NKAIN3: variants seen among roughly 807,000 people sequenced by gnomAD.
The protein encoded by NKAIN3 is sodium/potassium transporting ATPase interacting 3.
A neutral mutation model predicts 30.2 loss-of-function variants in NKAIN3; 25 were observed. The ratio of observed to expected loss-of-function variants is 0.83; its 90% CI spans 0.60 to 1.16. The LOEUF (loss-of-function observed/expected upper bound fraction) is 1.16. Ranked by LOEUF, NKAIN3 falls within the 50% of genes most tolerant of loss-of-function variation. The pLI is 0.00. For missense variants in NKAIN3, 225 were observed against 254.1 expected, an observed-to-expected ratio of 0.89 and a Z score of 0.78; for synonymous variants, 91 against 89.6, an observed-to-expected ratio of 1.02 and a Z score of -0.09.
chr8:62,624,323 A>G (rs982954922), intron 3 of NKAIN3, among the ~76,000 whole-genome samples: 5 of 152,050 alleles, frequency 3.3e-5, no homozygotes, highest in African/African-American at 4.8e-5. Context: ...TCCAACCCCT[A>G]TTCAAGATGG....
intron 1 of NKAIN3, among the ~76,000 whole-genome samples, chr8:62,440,795 G>A (rs528132313): frequency 1.3e-5 from 2 of 151,902 alleles, no homozygotes; most frequent in African/African-American, 4.8e-5. Context: ...GATTAATGTA[G>A]CCATGGGCTG....
chr8:62,935,257 C>G (rs1185578573), intron 5 of NKAIN3, among the ~76,000 whole-genome samples: 1 of 152,164 alleles, frequency 6.6e-6, no homozygotes, highest in Non-Finnish European at 1.5e-5. Flanking sequence ...TCTTACAGAT[C>G]ATTATGTAAT....
chr8:62,821,458 A>T (rs1176070608), intron 4 of NKAIN3, among the ~76,000 whole-genome samples: 4 of 152,116 alleles, frequency 2.6e-5, no homozygotes, highest in African/African-American at 9.7e-5. Flanking sequence ...GAAGAAGGAG[A>T]AAGAGCAGTT....
At chr8:62,946,892 C>T (rs1384674843) in intron 5 of NKAIN3, among the ~76,000 whole-genome samples, 5 of 152,126 alleles carry the variant, frequency 3.3e-5, no homozygotes, top group Non-Finnish European at 7.3e-5. Context: ...AACTCAGTGA[C>T]GAGGCAGTGT....
At chr8:62,343,280 T>A (rs12550126) in intron 1 of NKAIN3, among the ~76,000 whole-genome samples, 12,813 of 151,976 alleles carry the variant, frequency 0.084, 699 homozygotes, top group African/African-American at 0.14. Flanking sequence ...TATATAGGGT[T>A]GTTGTGAGGA....
chr8:62,835,417 A>G (rs1016923367), intron 4 of NKAIN3, among the ~76,000 whole-genome samples: 4 of 152,176 alleles, frequency 2.6e-5, no homozygotes, highest in Admixed American at 2.6e-4. Flanking sequence ...TTAGCAAACT[A>G]TGCATTCAAC....
At chr8:62,949,085 G>A (rs748879637) in intron 5 of NKAIN3, among the ~76,000 whole-genome samples, 3 of 152,306 alleles carry the variant, frequency 2.0e-5, no homozygotes, top group African/African-American at 7.2e-5. Context: ...AGCCCCTGGA[G>A]GGCTACATCT....
chr8:62,854,590 T>C (rs534184898), intron 4 of NKAIN3, among the ~76,000 whole-genome samples: 44 of 152,340 alleles, frequency 2.9e-4, no homozygotes, highest in African/African-American at 9.4e-4. Context: ...TCTGTGTGTC[T>C]TTGCATGTTA....
chr8:62,414,113 A>G (rs1341860834), intron 1 of NKAIN3, among the ~76,000 whole-genome samples: 2 of 152,156 alleles, frequency 1.3e-5, no homozygotes, highest in Non-Finnish European at 2.9e-5. Flanking sequence ...TTGTAAAATT[A>G]AGCCACCTGA....
chr8:62,311,179 TTTGA>T (rs1459433050), intron 1 of NKAIN3, among the ~76,000 whole-genome samples: 1 of 150,242 alleles, frequency 6.7e-6, no homozygotes, highest in Non-Finnish European at 1.5e-5. Flanking sequence ...AAATCCAACA[TTTGA>T]TTGTTTTCTG....
chr8:62,415,569 A>G (rs1233633613), intron 1 of NKAIN3, among the ~76,000 whole-genome samples: 1 of 150,654 alleles, frequency 6.6e-6, no homozygotes, highest in African/African-American at 2.4e-5. Context: ...CAACACCTTC[A>G]TTTTTTAATT....
intron 4 of NKAIN3, among the ~76,000 whole-genome samples, chr8:62,798,192 A>G (rs1388369087): frequency 1.3e-5 from 2 of 152,188 alleles, no homozygotes; most frequent in Non-Finnish European, 2.9e-5. Flanking sequence ...AGCACCTTGC[A>G]GAGTTTGGGG....
intron 1 of NKAIN3, among the ~76,000 whole-genome samples, chr8:62,358,747 T>C (rs1816439504): frequency 6.6e-6 from 1 of 152,200 alleles, no homozygotes; most frequent in African/African-American, 2.4e-5. Flanking sequence ...TTATTAATAA[T>C]ATAAAATGAT....
intron 1 of NKAIN3, among the ~76,000 whole-genome samples, chr8:62,252,573 A>G (rs1291422798): frequency 6.6e-6 from 1 of 150,848 alleles, no homozygotes; most frequent in African/African-American, 2.4e-5. Flanking sequence ...TGCCCTCAAG[A>G]TGTTTGCCTC....
intron 1 of NKAIN3, among the ~76,000 whole-genome samples, chr8:62,255,949 A>G (rs1469265462): frequency 6.6e-6 from 1 of 152,182 alleles, no homozygotes; most frequent in African/African-American, 2.4e-5. Flanking sequence ...TCTGAGGTAG[A>G]TCGAGGTTTG....
At chr8:62,783,487 A>T (rs896877937) in intron 4 of NKAIN3, among the ~76,000 whole-genome samples, 1 of 152,158 alleles carries the variant, frequency 6.6e-6, no homozygotes, top group Non-Finnish European at 1.5e-5. Context: ...CAGGTGGAGC[A>T]GAATGAGACA....
At chr8:62,918,374 C>A (rs1213850485) in intron 4 of NKAIN3, 79 bp from the exon 5 acceptor site, 11 of 988,522 alleles carry the variant, frequency 1.1e-5, no homozygotes, top group Non-Finnish European at 1.7e-5. Context: ...AAATATTTAT[C>A]TTTATTAGAT....
At chr8:62,598,329 C>T (rs1300183507) in intron 3 of NKAIN3, among the ~76,000 whole-genome samples, 1 of 151,952 alleles carries the variant, frequency 6.6e-6, no homozygotes. Flanking sequence ...GTAAAGCTGC[C>T]CCCTGTGGGT....
intron 4 of NKAIN3, among the ~76,000 whole-genome samples, chr8:62,805,215 G>T (rs1242381055): frequency 6.6e-6 from 1 of 151,764 alleles, no homozygotes; most frequent in Non-Finnish European, 1.5e-5. Flanking sequence ...TCGTGAAAAT[G>T]GCCATACTGC....
Sources: allele counts gnomAD v4.1 joint callset (sites outside exome capture counted in the v4.1 genomes callset), GRCh38; gene constraint gnomAD v4.1.1; transcripts MANE v1.5; gene names NCBI Gene and HGNC (gene_info 2026-07-23, HGNC 2026-07-21).